WDR70: variants seen among roughly 807,000 people sequenced by gnomAD.
WDR70 encodes WD repeat-containing protein 70.
In WDR70, 53 loss-of-function variants were observed where a neutral mutation model predicts 88.6. The observed-to-expected ratio is 0.60, with a 90% CI of 0.48 to 0.75. The LOEUF is 0.75. Among genes scored for constraint, WDR70 ranks in the 30% least tolerant of loss-of-function variants. The probability of loss-of-function intolerance (pLI) is 0.00; values close to 1 mark genes in which losing one functional copy is unlikely to be tolerated. For synonymous variants in WDR70, 280 were observed against 270.0 expected (o/e 1.04, Z -0.36); for missense variants, 610 against 823.2 (o/e 0.74, Z 3.17).
chr5:37,380,886 G>A (rs559125808), intron 2 of WDR70, among the ~76,000 whole-genome samples: 53 of 152,180 alleles, frequency 3.5e-4, no homozygotes, highest in Admixed American at 2.1e-3. Context: ...AGCTCAAGCA[G>A]TCCGCCCACC....
At chr5:37,632,559 AC>A (rs1269230452) in intron 10 of WDR70, among the ~76,000 whole-genome samples, 1 of 152,164 alleles carries the variant, frequency 6.6e-6, no homozygotes, top group African/African-American at 2.4e-5. Context: ...TTAGTTTTTA[AC>A]AAAAAAGTTT....
In WDR70 at chr5:37,495,462, C is replaced by CTA. The variant is rs1554143545; in HGVS notation, c.840+15476_840+15477insAT. ...CAGCAATCTCTCTCTCTCTCTCTCTCTCTTTCTCTCTCTCTGTGTGTGTGC... is the reference window on the plus strand; with the variant it reads ...CAGCAATCTCTCTCTCTCTCTCTCTCTATCTTTCTCTCTCTCTGTGTGTGTGC... On this transcript the variant is annotated intron_variant, in intron 8 of 17. Coordinates refer to ENST00000265107, the MANE Select transcript of WDR70 (RefSeq NM_018034.4). Among the ~76,000 whole-genome samples, 318 of 151,716 alleles carry CTA rather than the reference C, an allele frequency of 2.1e-3. 1 individual carries two copies. Among genetic ancestry groups the CTA allele is most frequent in the African/African-American group, 7.0e-3 (288 of 41,374 alleles).
intron 9 of WDR70, among the ~76,000 whole-genome samples, chr5:37,580,807 A>G (rs1743195833): frequency 6.6e-6 from 1 of 152,224 alleles, no homozygotes; most frequent in South Asian, 2.1e-4. Flanking sequence ...ATCAGTTCAA[A>G]ACAGCACTAT....
chr5:37,551,332 C>T (rs1445445885), intron 9 of WDR70, among the ~76,000 whole-genome samples: 2 of 151,128 alleles, frequency 1.3e-5, no homozygotes, highest in African/African-American at 2.4e-5. Context: ...AAAATTACAA[C>T]AACAAAAAAA....
intron 8 of WDR70, among the ~76,000 whole-genome samples, chr5:37,487,627 A>ATATATTTT (rs1317924512): frequency 1.4e-5 from 1 of 69,072 alleles, no homozygotes; most frequent in African/African-American, 5.0e-5. Flanking sequence ...ATATATATGT[A>ATATATTTT]TTTTTTTTTT....
chr5:37,508,455 G>C (rs1025353210), intron 8 of WDR70, among the ~76,000 whole-genome samples: 3 of 152,214 alleles, frequency 2.0e-5, no homozygotes, highest in African/African-American at 7.2e-5. Context: ...AGCCCTAGCT[G>C]ACTGAGACAA....
At chr5:37,510,537 A>G (rs74950867) in intron 8 of WDR70, among the ~76,000 whole-genome samples, 2,997 of 152,298 alleles carry the variant, frequency 0.02, 91 homozygotes, top group African/African-American at 0.068. Flanking sequence ...GGCTCAAGCA[A>G]TCCTTCTGCC....
intron 7 of WDR70, among the ~76,000 whole-genome samples, chr5:37,454,848 A>C (rs1396094295): frequency 2.6e-5 from 4 of 152,228 alleles, no homozygotes; most frequent in Admixed American, 1.3e-4. Context: ...TGACTCATAA[A>C]GATCTGAATT....
chr5:37,683,124 T>C (rs1169417316), intron 10 of WDR70, among the ~76,000 whole-genome samples: 1 of 152,240 alleles, frequency 6.6e-6, no homozygotes, highest in Non-Finnish European at 1.5e-5. Flanking sequence ...CTTTGTTGTT[T>C]TAAAATCCAT....
chr5:37,554,677 C>T (rs868348353), intron 9 of WDR70, among the ~76,000 whole-genome samples: 8 of 97,054 alleles, frequency 8.2e-5, no homozygotes, highest in Admixed American at 4.4e-4. Context: ...TGCACCTGCA[C>T]GCACACACAC....
chr5:37,693,527 A>G (rs1041196381), intron 10 of WDR70, among the ~76,000 whole-genome samples: 7 of 152,178 alleles, frequency 4.6e-5, no homozygotes, highest in Non-Finnish European at 1.0e-4. Flanking sequence ...AGACCAATGG[A>G]ACAGAACAGA....
At chr5:37,657,005 G>A (rs906828277) in intron 10 of WDR70, among the ~76,000 whole-genome samples, 2 of 152,162 alleles carry the variant, frequency 1.3e-5, no homozygotes, top group Admixed American at 6.5e-5. Flanking sequence ...GGGAGTGAAC[G>A]GTTCTGTCTC....
intron 7 of WDR70, among the ~76,000 whole-genome samples, chr5:37,476,936 G>A (rs144492799): frequency 8.5e-5 from 13 of 152,276 alleles, no homozygotes; most frequent in African/African-American, 3.1e-4. Context: ...TTATGAGTAC[G>A]AGCCACTGTC....
At chr5:37,489,773 AG>A (rs921653011) in intron 8 of WDR70, among the ~76,000 whole-genome samples, 69 of 149,428 alleles carry the variant, frequency 4.6e-4, no homozygotes, top group African/African-American at 1.6e-3. Context: ...TAGGGCACTC[AG>A]GGGGTGACAG....
At chr5:37,736,664 C>T (rs1163841914) in intron 17 of WDR70, among the ~76,000 whole-genome samples, 1 of 145,006 alleles carries the variant, frequency 6.9e-6, no homozygotes, top group African/African-American at 2.6e-5. Context: ...TTTAAAAATG[C>T]AGATTTCTGG....
chr5:37,668,054 T>A (rs916709416), intron 10 of WDR70, among the ~76,000 whole-genome samples: 12 of 152,074 alleles, frequency 7.9e-5, no homozygotes, highest in Non-Finnish European at 1.6e-4. Context: ...AATATGATGA[T>A]GTTACAAAAA....
intron 5 of WDR70, among the ~76,000 whole-genome samples, chr5:37,401,224 C>T (rs543239382): frequency 4.3e-5 from 6 of 138,442 alleles, no homozygotes; most frequent in East Asian, 2.1e-4. Flanking sequence ...TTGCCCAGCT[C>T]GTCTCAAACT....
chr5:37,729,657 T>C (rs772862436), intron 17 of WDR70, among the ~76,000 whole-genome samples: 5 of 152,218 alleles, frequency 3.3e-5, no homozygotes, highest in Non-Finnish European at 5.9e-5. Context: ...AGCCTTAAAG[T>C]ATACTTTCTT....
At chr5:37,381,732 A>G in intron 3 of WDR70, 47 bp downstream of exon 3, 1 of 1,560,122 alleles carries the variant, frequency 6.4e-7, no homozygotes, top group Middle Eastern at 1.7e-4. Flanking sequence ...AGTACTATGT[A>G]TACCTCATGC....
Sources: gnomAD v4.1 joint callset for allele counts (sites outside exome capture counted in the v4.1 genomes callset) on GRCh38, gnomAD v4.1.1 for gene constraint, MANE v1.5 for transcripts, NCBI Gene and HGNC (gene_info 2026-07-23, HGNC 2026-07-21) for gene names.